Variants in STK33 observed in about 807,000 individuals in gnomAD.
STK33 encodes the protein serine/threonine kinase 33, also known as serine/threonine-protein kinase 33.
A neutral mutation model predicts 58.0 loss-of-function variants in STK33; 52 were observed. The observed-to-expected ratio is 0.90, with a 90% CI of 0.72 to 1.13. The LOEUF (loss-of-function observed/expected upper bound fraction) is 1.13, where lower values mean the gene tolerates loss of function less well. Among genes scored for constraint, STK33 ranks in the 50% most tolerant of loss-of-function variants. STK33 has a pLI of 0.00. For synonymous variants in STK33, 215 were observed against 200.1 expected (o/e 1.07, Z -0.63); for missense variants, 630 against 604.2 (o/e 1.04, Z -0.45).
intron 1 of STK33, among the ~76,000 whole-genome samples, chr11:8,528,920 A>G (rs1220552177): frequency 1.3e-5 from 2 of 152,216 alleles, no homozygotes; most frequent in African/African-American, 4.8e-5. Flanking sequence ...ATAAATTACA[A>G]TATCATTTAA....
chr11:8,578,752 TTATC>T (rs1353724974), intron 1 of STK33, among the ~76,000 whole-genome samples: 1 of 151,940 alleles, frequency 6.6e-6, no homozygotes, highest in Non-Finnish European at 1.5e-5. Context: ...AGTCCAACTA[TTATC>T]TATCTAAAAA....
intron 15 of STK33, among the ~76,000 whole-genome samples, chr11:8,409,407 C>T (rs1447752055): frequency 5.9e-5 from 9 of 152,144 alleles, no homozygotes; most frequent in African/African-American, 2.2e-4. Flanking sequence ...TCATTACACC[C>T]TTTTAACGTT....
intron 6 of STK33, chr11:8,465,361 A>G (rs1948053716): frequency 6.6e-6 from 1 of 152,140 alleles, no homozygotes; most frequent in African/African-American, 2.4e-5. Context: ...AATATGTGAC[A>G]AAAATTTCAA....
chr11:8,337,107 C>T, the STK33 span, among the ~76,000 whole-genome samples: 28 of 152,362 alleles, frequency 1.8e-4, no homozygotes, highest in African/African-American at 6.0e-4. Context: ...CCTTCCCAAA[C>T]GGGCTTGTCT....
At chr11:8,449,316 A>G (rs1945953274) in intron 11 of STK33, among the ~76,000 whole-genome samples, 1 of 151,670 alleles carries the variant, frequency 6.6e-6, no homozygotes, top group South Asian at 2.1e-4. Context: ...TCATGCTGCC[A>G]TAAAGACACA....
intron 14 of STK33, among the ~76,000 whole-genome samples, 188 bp downstream of exon 14, chr11:8,435,306 T>A (rs1221138681): frequency 1.3e-5 from 2 of 152,154 alleles, no homozygotes; most frequent in Non-Finnish European, 2.9e-5. Context: ...TATAAACAAC[T>A]GTGACAACAG....
intron 1 of STK33, among the ~76,000 whole-genome samples, chr11:8,571,877 C>A (rs1591842725): frequency 1.5e-5 from 2 of 132,870 alleles, no homozygotes; most frequent in African/African-American, 2.8e-5. Context: ...TGTATTTTAC[C>A]ACAATAAAAA....
intron 1 of STK33, among the ~76,000 whole-genome samples, chr11:8,520,698 TAACAGACA>T (rs1383765339): frequency 6.6e-6 from 1 of 151,282 alleles, no homozygotes; most frequent in Non-Finnish European, 1.5e-5. Flanking sequence ...TATATACCAA[TAACAGACA>T]AACAGACAGC....
chr11:8,457,104 CATT>C (rs1271848399), intron 9 of STK33, among the ~76,000 whole-genome samples: 5 of 152,132 alleles, frequency 3.3e-5, no homozygotes, highest in African/African-American at 7.2e-5. Context: ...GATTTTATAA[CATT>C]AGCTTCTCTT....
intron 14 of STK33, among the ~76,000 whole-genome samples, chr11:8,425,295 T>C (rs1027251232): frequency 7.2e-5 from 11 of 152,200 alleles, no homozygotes; most frequent in Non-Finnish European, 8.8e-5. Context: ...CAGATAGTTG[T>C]AGATATGTGG....
chr11:8,516,984 C>T (rs1402407931), intron 1 of STK33, among the ~76,000 whole-genome samples: 4 of 152,150 alleles, frequency 2.6e-5, no homozygotes, highest in South Asian at 4.1e-4. Context: ...AAGACAGTAG[C>T]GGTTCTCTCA....
At chr11:8,567,328 T>C (rs1267993899) in intron 1 of STK33, 2 of 152,102 alleles carry the variant, frequency 1.3e-5, no homozygotes, top group African/African-American at 4.8e-5. Context: ...ACCTACCACA[T>C]GGGGTTATCA....
At chr11:8,571,660 T>C (rs181011351) in intron 1 of STK33, among the ~76,000 whole-genome samples, 6 of 152,056 alleles carry the variant, frequency 3.9e-5, no homozygotes, top group Admixed American at 1.3e-4. Context: ...GGTGAAACCT[T>C]GTTTCTACTA....
intron 1 of STK33, among the ~76,000 whole-genome samples, chr11:8,495,164 C>T (rs1369165713): frequency 1.3e-5 from 2 of 152,096 alleles, no homozygotes; most frequent in African/African-American, 4.8e-5. Flanking sequence ...AGGCAACCTA[C>T]AGAATGGGAG....
chr11:8,343,545 C>T, the STK33 span, among the ~76,000 whole-genome samples: 4 of 152,150 alleles, frequency 2.6e-5, no homozygotes, highest in South Asian at 2.1e-4. Context: ...CCCGCACACT[C>T]GGGCAGAAAG....
chr11:8,414,032 G>T (rs1447543363), intron 14 of STK33, among the ~76,000 whole-genome samples: 1 of 152,088 alleles, frequency 6.6e-6, no homozygotes, highest in Non-Finnish European at 1.5e-5. Context: ...AAATTGAGAG[G>T]GAGGCTGAAA....
chr11:8,433,014 G>A (rs888506257), intron 14 of STK33, among the ~76,000 whole-genome samples: 9 of 152,166 alleles, frequency 5.9e-5, no homozygotes, highest in Non-Finnish European at 1.3e-4. Flanking sequence ...GGCCCAACCC[G>A]AATGTTGTGT....
the STK33 span, among the ~76,000 whole-genome samples, chr11:8,369,733 T>C: frequency 6.6e-6 from 1 of 152,160 alleles, no homozygotes; most frequent in African/African-American, 2.4e-5. Context: ...TTCTGAACTC[T>C]CACTGCTTGC....
Position 8,435,504 on chromosome 11 carries a change from T to C in STK33, c.1136A>G (p.Gln379Arg), listed in dbSNP as rs1233892011. 3 of 1,458,020 alleles carry C rather than the reference T, an allele frequency of 2.1e-6. 1 individual carries two copies. The Admixed American group carries it at 6.3e-5, about 31-fold the overall frequency. 90.3% of individuals were successfully genotyped at this position (1,458,020 alleles called of 1,614,324 possible). The change falls in exon 14 of 16, where the codon CAG (glutamine) becomes CGG (arginine). Residue 379 changes from glutamine (Q) to arginine (R), a missense_variant. Physicochemically the swap from Gln to Arg is conservative, Grantham distance 43 (BLOSUM62 1). Coordinates refer to ENST00000687296, the MANE Select transcript of STK33 (RefSeq NM_001352389.2). ...AATATTGTAACTTACTGTTAACCAC[T>C]GGTTATCTAGTAGTTCCTTAGCTGT... is the stretch of plus-strand genomic sequence containing the variant. The part of the protein sequence containing the change: ...RITAKELLDN[Q>R]WLTGNKLSSV...
Sources: gnomAD v4.1 joint callset for allele counts (sites outside exome capture counted in the v4.1 genomes callset) on GRCh38, gnomAD v4.1.1 for gene constraint, MANE v1.5 for transcripts, NCBI Gene and HGNC (gene_info 2026-07-23, HGNC 2026-07-21) for gene names.